TPRG1: variants seen among roughly 807,000 people sequenced by gnomAD.
The protein encoded by TPRG1 is tumor protein p63-regulated gene 1 protein.
A neutral mutation model predicts 29.3 loss-of-function variants in TPRG1; 29 were observed. That is an observed-to-expected ratio of 0.99 (90% CI 0.74 to 1.35). The LOEUF (loss-of-function observed/expected upper bound fraction) is 1.35, where lower values mean the gene tolerates loss of function less well. Ranked by LOEUF, TPRG1 falls within the 40% of genes most tolerant of loss-of-function variation. The pLI, the probability that TPRG1 is intolerant of heterozygous loss-of-function variation, is 0.00. For synonymous variants in TPRG1, 130 were observed against 116.8 expected (o/e 1.11, Z -0.73); for missense variants, 327 against 335.0 (o/e 0.98, Z 0.19).
chr3:189,311,979 C>T (rs1722566510), intron 5 of TPRG1, among the ~76,000 whole-genome samples: 1 of 152,114 alleles, frequency 6.6e-6, no homozygotes. Context: ...TCAGACTTCT[C>T]TGTTTCTAGA....
intron 4 of TPRG1, among the ~76,000 whole-genome samples, chr3:189,072,099 A>G (rs751561750): frequency 6.6e-6 from 1 of 152,222 alleles, no homozygotes; most frequent in Non-Finnish European, 1.5e-5. Flanking sequence ...GGAACATTTT[A>G]TGTTCTCACT....
At chr3:189,231,766 T>C (rs1358505209) in intron 3 of TPRG1, among the ~76,000 whole-genome samples, 1 of 152,220 alleles carries the variant, frequency 6.6e-6, no homozygotes, top group Non-Finnish European at 1.5e-5. Flanking sequence ...TGCTCATCTG[T>C]ATTTATCAGG....
intron 1 of TPRG1, among the ~76,000 whole-genome samples, chr3:189,178,712 G>C (rs1729824586): frequency 2.0e-5 from 3 of 152,128 alleles, no homozygotes; most frequent in Admixed American, 2.0e-4. Context: ...TTTAAACCTG[G>C]TTTCTAAAAG....
intron 4 of TPRG1, among the ~76,000 whole-genome samples, chr3:189,067,522 T>C (rs1716529828): frequency 6.6e-6 from 1 of 152,146 alleles, no homozygotes; most frequent in Non-Finnish European, 1.5e-5. Flanking sequence ...TTCACACATC[T>C]GCAGTGAACT....
intron 4 of TPRG1, among the ~76,000 whole-genome samples, chr3:189,073,845 A>G: frequency 6.6e-6 from 1 of 152,194 alleles, no homozygotes; most frequent in East Asian, 1.9e-4. Context: ...TTTTATTCAA[A>G]TAGCATGTAT....
intron 4 of TPRG1, among the ~76,000 whole-genome samples, chr3:189,062,306 G>A (rs193001894): frequency 6.6e-6 from 1 of 152,220 alleles, no homozygotes; most frequent in African/African-American, 2.4e-5. Context: ...GACTGAGGAG[G>A]AAGAGGATCA....
intron 4 of TPRG1, among the ~76,000 whole-genome samples, chr3:189,259,215 G>T (rs1384693003): frequency 6.6e-6 from 1 of 152,040 alleles, no homozygotes; most frequent in African/African-American, 2.4e-5. Context: ...CATCCCTCAT[G>T]GCACAGTCCT....
intron 5 of TPRG1, among the ~76,000 whole-genome samples, chr3:189,155,648 T>C (rs576439704): frequency 3.4e-4 from 52 of 152,316 alleles, no homozygotes; most frequent in African/African-American, 1.2e-3. Context: ...AGAATGTTAT[T>C]GAGCTTTAAA....
intron 4 of TPRG1, among the ~76,000 whole-genome samples, chr3:189,265,269 T>C (rs1238573826): frequency 2.0e-5 from 3 of 152,168 alleles, no homozygotes; most frequent in Non-Finnish European, 2.9e-5. Context: ...AAGAGTGGCA[T>C]TGAGCTAGAG....
chr3:189,113,943 A>G (rs886409522), intron 1 of TPRG1, among the ~76,000 whole-genome samples: 23 of 151,928 alleles, frequency 1.5e-4, no homozygotes, highest in African/African-American at 5.3e-4. Context: ...ATAAAATAAA[A>G]TAAAATAAAG....
rs572097901 is a variant in TPRG1, at chr3:189,269,338, C to A, written c.479+30429C>A. Among the ~76,000 whole-genome samples, 139 of 152,216 alleles carry A rather than the reference C, an allele frequency of 9.1e-4. 1 individual carries two copies. The highest frequency in any genetic ancestry group is 1.6e-3 in the Non-Finnish European group (110 of 68,020). On this transcript the variant is annotated intron_variant, in intron 4 of 5. Coordinates refer to ENST00000345063, the MANE Select transcript of TPRG1 (RefSeq NM_198485.4). The stretch of plus-strand genomic sequence containing the variant: ...ATTTTCTAAATCTTCTTTTAATCAC[C>A]AGCCATATATTATTTTGTTTTCGTT...
intron 4 of TPRG1, among the ~76,000 whole-genome samples, chr3:189,056,039 T>C (rs866220022): frequency 0.028 from 1,286 of 45,878 alleles, 53 homozygotes; most frequent in African/African-American, 0.058. Flanking sequence ...CTCCCTTCCT[T>C]CCTTCCTTCC....
At chr3:189,286,301 A>T (rs1560652413) in intron 4 of TPRG1, among the ~76,000 whole-genome samples, 1 of 151,606 alleles carries the variant, frequency 6.6e-6, no homozygotes, top group East Asian at 1.9e-4. Flanking sequence ...ACTCTGTTTT[A>T]TTTTTTTTAT....
At position 189,185,716 on chromosome 3, in the gene TPRG1, G is replaced by A. The variant is rs141786749; in HGVS notation, c.-10+13585G>A. On this transcript the variant is annotated intron_variant, in intron 1 of 5. Transcript: ENST00000345063. ...TGCAGCATGTGTTTCCAATGCATAT[G>A]TGCATTGGATGAATTATTCTACATC... is the stretch of plus-strand genomic sequence containing the variant. Among the ~76,000 whole-genome samples the A allele has an allele frequency of 1.7e-3, 264 of 152,266 alleles. 4 individuals are homozygous for A. The highest frequency in any genetic ancestry group is 0.015 in the Admixed American group (228 of 15,294).
At chr3:189,238,621 T>C in intron 3 of TPRG1, 112 bp from the exon 4 acceptor site, 1 of 845,820 alleles carries the variant, frequency 1.2e-6, no homozygotes, top group Non-Finnish European at 1.8e-6. Context: ...AGCCCCTCTC[T>C]CTTCTGAGTT....
chr3:189,297,543 A>C (rs993817122), intron 4 of TPRG1, among the ~76,000 whole-genome samples: 1 of 152,128 alleles, frequency 6.6e-6, no homozygotes. Context: ...GGAGCTCATT[A>C]GATGTACAGA....
At chr3:189,034,857 A>G (rs73048751) in intron 4 of TPRG1, among the ~76,000 whole-genome samples, 2,531 of 152,296 alleles carry the variant, frequency 0.017, 71 homozygotes, top group African/African-American at 0.058. Flanking sequence ...AAAGAGCTAT[A>G]CTTCCCAAAG....
intron 5 of TPRG1, among the ~76,000 whole-genome samples, chr3:189,160,134 A>G (rs1360915803): frequency 6.6e-6 from 1 of 152,126 alleles, no homozygotes; most frequent in African/African-American, 2.4e-5. Flanking sequence ...CCCTCCCGGA[A>G]GCTTAAGTAT....
chr3:189,053,728 C>T (rs1307616289), intron 4 of TPRG1, among the ~76,000 whole-genome samples: 4 of 152,172 alleles, frequency 2.6e-5, no homozygotes, highest in Non-Finnish European at 5.9e-5. Flanking sequence ...CAGTGATTGG[C>T]TTTCTGTGTG....
Sources: gnomAD v4.1 joint callset for allele counts (sites outside exome capture counted in the v4.1 genomes callset) on GRCh38, gnomAD v4.1.1 for gene constraint, MANE v1.5 for transcripts, NCBI Gene and HGNC (gene_info 2026-07-23, HGNC 2026-07-21) for gene names.